Variants in EPS8 observed in about 807,000 individuals in gnomAD.
EPS8 encodes epidermal growth factor receptor kinase substrate 8.
EPS8 carries 42 observed loss-of-function variants against 103.8 expected under a neutral mutation model. The observed-to-expected ratio is 0.40, with a 90% CI of 0.32 to 0.52. The LOEUF (loss-of-function observed/expected upper bound fraction) is 0.52. Among genes scored for constraint, EPS8 ranks in the 20% least tolerant of loss-of-function variants. The probability of loss-of-function intolerance (pLI) is 0.40; values close to 1 mark genes in which losing one functional copy is unlikely to be tolerated. For synonymous variants in EPS8, 344 were observed against 344.6 expected (o/e 1.00, Z 0.02); for missense variants, 969 against 1,005.1 (o/e 0.96, Z 0.49).
In EPS8 at chr12:15,626,490, G is replaced by A. The variant is rs10846224; in HGVS notation, c.2045-2083C>T. Reference sequence around the variant, plus strand: ...CTAAAAATACAAAAATTAGCTGGGCGTGGTGGCATGTGCCTGTGGCCCCAG... The same window carrying A: ...CTAAAAATACAAAAATTAGCTGGGCATGGTGGCATGTGCCTGTGGCCCCAG... On this transcript the variant is annotated intron_variant, in intron 18 of 20. Coordinates refer to ENST00000281172, the MANE Select transcript of EPS8 (RefSeq NM_004447.6). Among the ~76,000 whole-genome samples the A allele has an allele frequency of 9.6e-3, 1,458 of 151,850 alleles. 22 individuals carry two copies. Among genetic ancestry groups the A allele is most frequent in the African/African-American group, 0.033 (1,384 of 41,406 alleles).
chr12:15,758,536 T>A (rs921467616), intron 1 of EPS8, among the ~76,000 whole-genome samples: 1 of 152,220 alleles, frequency 6.6e-6, no homozygotes, highest in Non-Finnish European at 1.5e-5. Context: ...TAAAGTTTAA[T>A]CAATTTCAAT....
rs1195498635 is a variant in EPS8 at position 15,695,882 on chromosome 12, G to A, written c.-21-12910C>T. Among the ~76,000 whole-genome samples, 1 of 152,178 alleles carries A rather than the reference G, an allele frequency of 6.6e-6. No individual in the cohort carries two copies. The highest frequency in any genetic ancestry group is 2.4e-5 in the African/African-American group (1 of 41,458). On this transcript the variant is annotated intron_variant, in intron 1 of 20. Transcript: ENST00000281172. This position sits in a 1 kb window ranked among gnomAD's most constrained non-coding sequence, Gnocchi z 5.0. ...CCCAGCTACTCGGGAGGCTGAGACAGGAGAATCACTTGAGCCCAGGAGGCG... is the reference window on the plus strand; with the variant it reads ...CCCAGCTACTCGGGAGGCTGAGACAAGAGAATCACTTGAGCCCAGGAGGCG...
At chr12:15,775,238 G>A (rs1443886080) in intron 1 of EPS8, among the ~76,000 whole-genome samples, 1 of 152,070 alleles carries the variant, frequency 6.6e-6, no homozygotes, top group African/African-American at 2.4e-5. Flanking sequence ...AACACTTTAC[G>A]ATCAGCCTAA....
intron 18 of EPS8, among the ~76,000 whole-genome samples, chr12:15,629,303 T>C (rs1945003262): frequency 1.3e-5 from 2 of 152,190 alleles, no homozygotes; most frequent in South Asian, 4.1e-4. Flanking sequence ...CTGCTCCAAA[T>C]GGGGACTGGA....
Position 15,749,806 on chromosome 12 carries a change from G to A in EPS8, c.-22+39355C>T, listed in dbSNP as rs1946912751. Among the ~76,000 whole-genome samples, 1 of 152,046 alleles carries A rather than the reference G, an allele frequency of 6.6e-6. No individual in the cohort carries two copies. The highest frequency in any genetic ancestry group is 6.6e-5 in the Admixed American group (1 of 15,266). On this transcript the variant is annotated intron_variant, in intron 1 of 20. Transcript: ENST00000281172. The surrounding 1 kb of genome is among the most constrained non-coding windows in gnomAD (Gnocchi z 4.0). Reference sequence around the variant, plus strand: ...ATTTTCTGTTTTCTAACATTAGTTAGGGAATATTAGTTGTGCTTCCACACA... The same window carrying A: ...ATTTTCTGTTTTCTAACATTAGTTAAGGAATATTAGTTGTGCTTCCACACA...
chr12:15,658,617 GC>G, intron 10 of EPS8, 32 bp from the exon 11 acceptor site: 1 of 1,411,228 alleles, frequency 7.1e-7, no homozygotes, highest in Non-Finnish European at 1.0e-6. Context: ...GAGGATCAGA[GC>G]AAAATCCAAG....
At chr12:15,653,504 C>T (rs1182729612) in intron 13 of EPS8, among the ~76,000 whole-genome samples, 2 of 152,160 alleles carry the variant, frequency 1.3e-5, no homozygotes, top group African/African-American at 4.8e-5. Context: ...TTCATCCTTT[C>T]TTCTCTTGAC....
intron 1 of EPS8, among the ~76,000 whole-genome samples, chr12:15,687,852 T>C (rs1946116658): frequency 6.6e-6 from 1 of 152,238 alleles, no homozygotes; most frequent in Admixed American, 6.5e-5. Flanking sequence ...TGTTTTGATA[T>C]TTTACTGACT....
rs1419358552 is a variant in EPS8 at position 15,784,284 on chromosome 12, T to G, written c.-22+4877A>C. Reference sequence around the variant, plus strand: ...GTATACAAAATGTATAAAGAACTCTTAAAATCAACAATAAGAAAACAACCC... The same window carrying G: ...GTATACAAAATGTATAAAGAACTCTGAAAATCAACAATAAGAAAACAACCC... On this transcript the variant is annotated intron_variant, in intron 1 of 20. Transcript: ENST00000281172. The surrounding 1 kb of genome is among the most constrained non-coding windows in gnomAD (Gnocchi z 4.0). 6.6e-6 allele frequency among the ~76,000 whole-genome samples: 1 copy of G among 152,052 alleles called. No individual in the cohort carries two copies. The highest frequency in any genetic ancestry group is 1.9e-4 in the East Asian group (1 of 5,186).
intron 1 of EPS8, among the ~76,000 whole-genome samples, chr12:15,770,288 C>CAA (rs367721789): frequency 0.086 from 10,226 of 118,784 alleles, 1,267 homozygotes; most frequent in African/African-American, 0.27. Flanking sequence ...GACCCTGTCT[C>CAA]AAAAAAAAAA....
At chr12:15,625,078 A>G (rs1489220602) in intron 18 of EPS8, among the ~76,000 whole-genome samples, 3 of 152,186 alleles carry the variant, frequency 2.0e-5, no homozygotes, top group Non-Finnish European at 4.4e-5. Context: ...TTCTAACCCT[A>G]TTCCCCAATC....
intron 1 of EPS8, among the ~76,000 whole-genome samples, chr12:15,685,993 A>C (rs749808460): frequency 2.6e-5 from 4 of 152,216 alleles, no homozygotes; most frequent in Non-Finnish European, 5.9e-5. Flanking sequence ...AATTCTGCTG[A>C]AAGTATACAC....
At chr12:15,746,675 TC>T (rs1204791116) in intron 1 of EPS8, among the ~76,000 whole-genome samples, 5 of 152,264 alleles carry the variant, frequency 3.3e-5, no homozygotes, top group African/African-American at 1.2e-4. Context: ...CAGCCCCAGT[TC>T]CTCTACTCAG....
intron 12 of EPS8, 112 bp from the exon 13 acceptor site, chr12:15,654,405 T>TAAA: frequency 1.1e-6 from 1 of 925,212 alleles, no homozygotes; most frequent in Non-Finnish European, 1.7e-6. Context: ...ATAGTCATAT[T>TAAA]AACTTTTGAT....
chr12:15,643,854 G>A (rs113220789), intron 15 of EPS8, among the ~76,000 whole-genome samples: 1,752 of 151,920 alleles, frequency 0.012, 16 homozygotes, highest in Non-Finnish European at 0.017. Context: ...ACTTGATAGA[G>A]AGCAGACATA....
Position 15,778,607 on chromosome 12 carries a change from G to T in EPS8, c.-22+10554C>A, listed in dbSNP as rs1034598638. 6.6e-6 allele frequency among the ~76,000 whole-genome samples: 1 copy of T among 152,098 alleles called. No homozygotes were observed. Among genetic ancestry groups the T allele is most frequent in the African/African-American group, 2.4e-5 (1 of 41,414 alleles). ...AAGGACAACTCAATCTGAAGATAGGGTTTCAAAAATTCACATTCCTGGATT... is the reference window on the plus strand; with the variant it reads ...AAGGACAACTCAATCTGAAGATAGGTTTTCAAAAATTCACATTCCTGGATT... On this transcript the variant is annotated intron_variant, in intron 1 of 20. Coordinates refer to ENST00000281172, the MANE Select transcript of EPS8 (RefSeq NM_004447.6). This position sits in a 1 kb window ranked among gnomAD's most constrained non-coding sequence, Gnocchi z 4.5.
rs1947029386 is a variant in EPS8, at chr12:15,760,396, T to A, written c.-22+28765A>T. Among the ~76,000 whole-genome samples, 1 of 152,038 alleles carries A rather than the reference T, an allele frequency of 6.6e-6. No homozygotes were observed. On this transcript the variant is annotated intron_variant, in intron 1 of 20. Coordinates refer to ENST00000281172, the MANE Select transcript of EPS8 (RefSeq NM_004447.6). The surrounding 1 kb of genome is among the most constrained non-coding windows in gnomAD (Gnocchi z 4.5). ...ACATTTAAAGAAGAATTAATACGAA[T>A]CCTACTCAAACTATTCTGAAAACAT...
chr12:15,761,934 T>C lies in EPS8; in HGVS notation c.-22+27227A>G, dbSNP rs1316107716. Among the ~76,000 whole-genome samples, 3 of 151,872 alleles carry C rather than the reference T, an allele frequency of 2.0e-5. No individual in the cohort carries two copies. Among genetic ancestry groups the C allele is most frequent in the Non-Finnish European group, 4.4e-5 (3 of 67,972 alleles). Reference sequence around the variant, plus strand: ...GGCAACCAAAACGAAAAGGGACAAATGGGATCATATCAAGTTAAAAACCTT... The same window carrying C: ...GGCAACCAAAACGAAAAGGGACAAACGGGATCATATCAAGTTAAAAACCTT... On this transcript the variant is annotated intron_variant, in intron 1 of 20. Transcript: ENST00000281172. This position sits in a 1 kb window ranked among gnomAD's most constrained non-coding sequence, Gnocchi z 4.5.
intron 17 of EPS8, among the ~76,000 whole-genome samples, chr12:15,636,379 G>A (rs1945134590): frequency 6.6e-6 from 1 of 151,988 alleles, no homozygotes. Context: ...TCTCTTTTAT[G>A]TTTAAAACTT....
Sources: gnomAD v4.1 joint callset for allele counts (sites outside exome capture counted in the v4.1 genomes callset) on GRCh38, gnomAD v4.1.1 for gene constraint, Gnocchi (gnomAD v3.1) non-coding constraint, MANE v1.5 for transcripts, NCBI Gene and HGNC (gene_info 2026-07-23, HGNC 2026-07-21) for gene names.